SH3BP5: variants seen among roughly 807,000 people sequenced by gnomAD.
SH3BP5 encodes the protein SH3 domain-binding protein 5.
A neutral mutation model predicts 43.3 loss-of-function variants in SH3BP5; 22 were observed. That is an observed-to-expected ratio of 0.51 (90% confidence interval 0.36 to 0.73). The LOEUF is 0.73. Among genes scored for constraint, SH3BP5 ranks in the 30% least tolerant of loss-of-function variants. The pLI is 0.00. For missense variants in SH3BP5, 529 were observed against 586.9 expected (o/e 0.90, Z 1.02); for synonymous variants, 255 against 225.8 (o/e 1.13, Z -1.16).
In SH3BP5 at chr3:15,255,964, T is replaced by G. The variant is rs1000601531; in HGVS notation, c.*122A>C. On this transcript the variant is annotated 3_prime_UTR_variant, in exon 9 of 9. Coordinates refer to ENST00000383791, the MANE Select transcript of SH3BP5 (RefSeq NM_004844.5). ...CTTTAGCCCTCAAGGTCACTGAAAC[T>G]TCATTAGAGCAGTTTAGAGTAGACG... 6.9e-6 allele frequency: 6 copies of G among 864,880 alleles called. No homozygotes were observed. Among genetic ancestry groups the G allele is most frequent in the Non-Finnish European group, 1.1e-5 (6 of 546,524 alleles). 53.6% of individuals were successfully genotyped at this position (864,880 alleles called of 1,614,324 possible).
At chr3:15,262,506 A>T (rs1356005870) in intron 4 of SH3BP5, among the ~76,000 whole-genome samples, 2 of 152,062 alleles carry the variant, frequency 1.3e-5, no homozygotes, top group East Asian at 1.9e-4. Flanking sequence ...AAAATACAAA[A>T]ATCAGCCGGG....
At chr3:15,336,862 G>A (rs1698705927), upstream of SH3BP5, among the ~76,000 whole-genome samples, 1 of 151,984 alleles carries the variant, frequency 6.6e-6, no homozygotes, top group Non-Finnish European at 1.5e-5. Flanking sequence ...ATTTGATCTA[G>A]CTTAGATTCC....
chr3:15,284,143 C>T (rs1295894986), intron 3 of SH3BP5, among the ~76,000 whole-genome samples: 3 of 152,146 alleles, frequency 2.0e-5, no homozygotes, highest in Non-Finnish European at 2.9e-5. Context: ...CTCCTCTGGC[C>T]GTGCTTAAGT....
chr3:15,272,434 A>G (rs1005906496), intron 3 of SH3BP5, among the ~76,000 whole-genome samples: 2 of 152,232 alleles, frequency 1.3e-5, no homozygotes, highest in Admixed American at 1.3e-4. Context: ...AAGGCCTCTT[A>G]AAGGAGGAGG....
chr3:15,328,437 A>G (rs537006617), intron 2 of SH3BP5, among the ~76,000 whole-genome samples: 244 of 151,048 alleles, frequency 1.6e-3, no homozygotes, highest in South Asian at 0.012. Flanking sequence ...AAAAAAAAAG[A>G]CTATTTCCAG....
intron 5 of SH3BP5, 80 bp downstream of exon 5, chr3:15,262,079 A>T: frequency 6.5e-7 from 1 of 1,545,904 alleles, no homozygotes; most frequent in Non-Finnish European, 8.9e-7. Flanking sequence ...GTGGTCCTTG[A>T]GTGTGTGACA....
intron 2 of SH3BP5, among the ~76,000 whole-genome samples, chr3:15,309,972 G>C (rs778840765): frequency 6.6e-6 from 1 of 151,156 alleles, no homozygotes; most frequent in African/African-American, 2.4e-5. Flanking sequence ...AGCTACTTGG[G>C]TAACAGTTCC....
intron 3 of SH3BP5, among the ~76,000 whole-genome samples, chr3:15,294,335 G>GCA (rs1559444306): frequency 2.6e-5 from 3 of 115,322 alleles, no homozygotes; most frequent in Non-Finnish European, 5.0e-5. Context: ...GTGTGTGCGC[G>GCA]CGCATGTTTA....
intron 4 of SH3BP5, among the ~76,000 whole-genome samples, chr3:15,265,301 A>C (rs1696593036): frequency 6.6e-6 from 1 of 152,102 alleles, no homozygotes; most frequent in Admixed American, 6.6e-5. Flanking sequence ...AGATCACTTG[A>C]GGTCAGGAGT....
chr3:15,260,964 C>A (rs1177421358), intron 5 of SH3BP5, among the ~76,000 whole-genome samples: 1 of 152,278 alleles, frequency 6.6e-6, no homozygotes, highest in South Asian at 2.1e-4. Flanking sequence ...AGTGTGAATT[C>A]GGGGTCTTTT....
At chr3:15,293,232 C>G (rs1323854621) in intron 3 of SH3BP5, among the ~76,000 whole-genome samples, 1 of 152,212 alleles carries the variant, frequency 6.6e-6, no homozygotes, top group Non-Finnish European at 1.5e-5. Context: ...CTTTGGGCAG[C>G]AGGAATGACG....
At chr3:15,333,767 C>T (rs141537068), upstream of SH3BP5, among the ~76,000 whole-genome samples, 363 of 152,348 alleles carry the variant, frequency 2.4e-3, no homozygotes, top group African/African-American at 7.8e-3. Context: ...TGTCCTGTCT[C>T]CTGGAGGTAG....
chr3:15,311,091 G>A lies in SH3BP5; in HGVS notation c.202-6860C>T, dbSNP rs539140420. On this transcript the variant is annotated intron_variant, in intron 2 of 8. Transcript: ENST00000383791. Reference sequence around the variant, plus strand: ...AGTGAGATAAAGATGGGATGGTGATGTTTTAAAAATAACTGTCCTACATGT... The same window carrying A: ...AGTGAGATAAAGATGGGATGGTGATATTTTAAAAATAACTGTCCTACATGT... Among the ~76,000 whole-genome samples the A allele has an allele frequency of 4.3e-4, 66 of 152,304 alleles. No individual in the cohort carries two copies. The South Asian group carries it at 0.013, about 30-fold the overall frequency.
intron 3 of SH3BP5, among the ~76,000 whole-genome samples, chr3:15,278,349 C>T (rs1390368179): frequency 1.3e-5 from 2 of 152,212 alleles, no homozygotes; most frequent in Non-Finnish European, 2.9e-5. Flanking sequence ...GCAGGACAAA[C>T]ATCAAAATGG....
In SH3BP5 at chr3:15,262,110, C is replaced by A. The variant is rs759408607; in HGVS notation, c.626+49G>T. On this transcript the variant is annotated intron_variant, in intron 5 of 8. Coordinates refer to ENST00000383791, the MANE Select transcript of SH3BP5 (RefSeq NM_004844.5). ...TGACATACAAAAGGCTGAGAAGATG[C>A]AGACTAGGACAGCCGCACGGCCCCA... The A allele has an allele frequency of 1.9e-6, 3 of 1,602,512 alleles. No homozygotes were observed. The Admixed American group carries it at 5.0e-5, about 27-fold the overall frequency.
chr3:15,254,536 T>G lies in SH3BP5; in HGVS notation c.*1550A>C, dbSNP rs1253196574. The G allele has an allele frequency of 6.6e-6, 1 of 151,746 alleles. No homozygotes were observed. The allele number at this position is 151,746 out of a possible 1,614,324, so 9.4% of individuals were successfully genotyped here. A position where few individuals can be genotyped will look rare whatever the true frequency, so the allele number is the denominator to read the frequency against. On this transcript the variant is annotated 3_prime_UTR_variant, in exon 9 of 9. Coordinates refer to ENST00000383791, the MANE Select transcript of SH3BP5 (RefSeq NM_004844.5). ...CCCCAGTTAATTAATTAAATAATTC[T>G]CTGGGGATGAGAACTGACTGACAGC...
intron 3 of SH3BP5, among the ~76,000 whole-genome samples, chr3:15,291,883 T>C (rs902156906): frequency 1.3e-5 from 2 of 152,076 alleles, no homozygotes; most frequent in African/African-American, 2.4e-5. Context: ...TAGATTTTCA[T>C]AGAAGTCACA....
chr3:15,298,333 G>A (rs929808420), intron 3 of SH3BP5, among the ~76,000 whole-genome samples: 2 of 152,178 alleles, frequency 1.3e-5, no homozygotes, highest in Non-Finnish European at 2.9e-5. Flanking sequence ...AGGTCCCACA[G>A]CTTTTAAGAG....
chr3:15,262,063 C>G (rs1696463078), intron 5 of SH3BP5, 96 bp downstream of exon 5: 2 of 1,460,566 alleles, frequency 1.4e-6, no homozygotes, highest in Admixed American at 3.5e-5. Context: ...CAAAGGACTA[C>G]TCAGGGTGGT....
Sources: gnomAD v4.1 joint callset for allele counts (sites outside exome capture counted in the v4.1 genomes callset) on GRCh38, gnomAD v4.1.1 for gene constraint, MANE v1.5 for transcripts, NCBI Gene and HGNC (gene_info 2026-07-23, HGNC 2026-07-21) for gene names.